GLIS3: variants seen among roughly 807,000 people sequenced by gnomAD.
The protein encoded by GLIS3 is GLIS family zinc finger 3, also known as zinc finger protein GLIS3.
GLIS3 carries 53 observed loss-of-function variants against 78.6 expected under a neutral mutation model. The ratio of observed to expected loss-of-function variants is 0.67; its 90% confidence interval spans 0.54 to 0.85. The LOEUF is 0.85. Among genes scored for constraint, GLIS3 ranks in the 40% least tolerant of loss-of-function variants. The pLI, the probability that GLIS3 is intolerant of heterozygous loss-of-function variation, is 0.00. For missense variants in GLIS3, 1,703 were observed against 1,231.1 expected (o/e 1.38, Z -5.74); for synonymous variants, 684 against 509.9 (o/e 1.34, Z -4.60).
At chr9:4,269,368 A>G (rs1826300082) in intron 2 of GLIS3, among the ~76,000 whole-genome samples, 1 of 152,208 alleles carries the variant, frequency 6.6e-6, no homozygotes, top group Admixed American at 6.5e-5. Context: ...ACCTATGTCC[A>G]CTTTATTTCA....
intron 2 of GLIS3, among the ~76,000 whole-genome samples, chr9:4,276,546 G>GAGGAGGGGAC (rs1163493404): frequency 2.7e-5 from 2 of 72,994 alleles, no homozygotes; most frequent in Admixed American, 2.6e-4. Context: ...GGGGACGGAA[G>GAGGAGGGGAC]GGGAGGGGAG....
At chr9:3,914,921 C>T (rs560962578) in intron 6 of GLIS3, among the ~76,000 whole-genome samples, 1 of 152,294 alleles carries the variant, frequency 6.6e-6, no homozygotes, top group East Asian at 1.9e-4. Flanking sequence ...AAAGAGCTTG[C>T]CCGTGGTGTT....
At chr9:4,326,429 T>A (rs963889046) in intron 2 of GLIS3, among the ~76,000 whole-genome samples, 3 of 152,156 alleles carry the variant, frequency 2.0e-5, no homozygotes, top group African/African-American at 7.2e-5. Flanking sequence ...CTCGAAAACA[T>A]TATGCTAAGT....
At chr9:4,033,072 C>T (rs1157157343) in intron 4 of GLIS3, among the ~76,000 whole-genome samples, 2 of 152,194 alleles carry the variant, frequency 1.3e-5, no homozygotes, top group Middle Eastern at 3.4e-3. Context: ...CCAGGATGGT[C>T]TTGATCTCTT....
At chr9:4,479,939 G>C in the GLIS3 span, among the ~76,000 whole-genome samples, 6 of 116,398 alleles carry the variant, frequency 5.2e-5, no homozygotes, top group Admixed American at 4.3e-4. Flanking sequence ...ATTTTCAGTA[G>C]AGATGGGTTT....
chr9:4,442,858 G>T, the GLIS3 span, among the ~76,000 whole-genome samples: 17 of 151,706 alleles, frequency 1.1e-4, no homozygotes, highest in Middle Eastern at 3.4e-3. Context: ...TTTTGAAGTT[G>T]CCTCTGTGTA....
chr9:3,971,724 A>G (rs1818396067), intron 4 of GLIS3, among the ~76,000 whole-genome samples: 1 of 152,190 alleles, frequency 6.6e-6, no homozygotes, highest in South Asian at 2.1e-4. Context: ...TAAGCCTCTA[A>G]TAATAGTTCT....
chr9:4,042,828 C>T (rs143578037), intron 4 of GLIS3, among the ~76,000 whole-genome samples: 1 of 151,904 alleles, frequency 6.6e-6, no homozygotes, highest in Admixed American at 6.6e-5. Context: ...TACTGTGTTT[C>T]TCAAAAACAT....
chr9:4,431,780 G>A, the GLIS3 span, among the ~76,000 whole-genome samples: 1 of 150,292 alleles, frequency 6.7e-6, no homozygotes, highest in Non-Finnish European at 1.5e-5. Flanking sequence ...GGAGGTGGAG[G>A]TTGTAGCGAG....
intron 2 of GLIS3, among the ~76,000 whole-genome samples, chr9:4,331,810 G>C (rs1257676592): frequency 6.6e-6 from 1 of 152,196 alleles, no homozygotes; most frequent in Non-Finnish European, 1.5e-5. Flanking sequence ...TGGGAAGAGA[G>C]ACATTGGGAG....
the GLIS3 span, among the ~76,000 whole-genome samples, chr9:4,356,726 A>G: frequency 1.3e-5 from 2 of 152,226 alleles, no homozygotes; most frequent in Non-Finnish European, 2.9e-5. Flanking sequence ...TTAGAGCAAC[A>G]AAGATCATCA....
rs35583742 is a variant in GLIS3 at position 4,321,421 on chromosome 9, C to CAAAAAAAA, written n.265-10901_265-10894dup. Among the ~76,000 whole-genome samples, 146 of 16,294 alleles carry CAAAAAAAA rather than the reference C, an allele frequency of 9.0e-3. 50 individuals are homozygous for CAAAAAAAA. The highest frequency in any genetic ancestry group is 0.013 in the Non-Finnish European group (118 of 9,154). 10.7% of individuals were successfully genotyped at this position (16,294 alleles called of 152,430 possible). A position where few individuals can be genotyped will look rare whatever the true frequency, so the allele number is the denominator to read the frequency against. On this transcript the variant is annotated intron_variant and non_coding_transcript_variant, in intron 2 of 4. Coordinates refer to the GLIS3 transcript ENST00000471664. The stretch of plus-strand genomic sequence containing the variant: ...TGGGCCACAGAGCTAGACTCCGTCT[C>CAAAAAAAA]AAAAAAAAAAAAAAAAAAAAAAAAA...
the GLIS3 span, among the ~76,000 whole-genome samples, chr9:4,381,068 G>C: frequency 7.9e-5 from 12 of 152,164 alleles, no homozygotes; most frequent in Non-Finnish European, 8.8e-5. Context: ...AAATTCAGTA[G>C]TCACTGGTCA....
chr9:4,107,789 G>C (rs950150844), intron 4 of GLIS3, among the ~76,000 whole-genome samples: 1 of 150,272 alleles, frequency 6.7e-6, no homozygotes, highest in Non-Finnish European at 1.5e-5. Flanking sequence ...ATTTTCTGAG[G>C]AGCCAGAGAC....
chr9:4,332,244 T>G (rs1434512027), intron 2 of GLIS3, among the ~76,000 whole-genome samples: 1 of 152,206 alleles, frequency 6.6e-6, no homozygotes. Flanking sequence ...ATAGTCAACA[T>G]TCACTGATAG....
chr9:4,269,826 G>C (rs998454141), intron 2 of GLIS3, among the ~76,000 whole-genome samples: 1 of 152,184 alleles, frequency 6.6e-6, no homozygotes, highest in Non-Finnish European at 1.5e-5. Context: ...ACGGAGGGCA[G>C]GACGGGAGAA....
chr9:4,425,249 T>C, the GLIS3 span, among the ~76,000 whole-genome samples: 2 of 152,222 alleles, frequency 1.3e-5, no homozygotes, highest in African/African-American at 4.8e-5. Flanking sequence ...TCCTGAGTTT[T>C]CTGTCACATG....
At chr9:4,191,797 C>T (rs1818356342) in intron 2 of GLIS3, among the ~76,000 whole-genome samples, 1 of 151,666 alleles carries the variant, frequency 6.6e-6, no homozygotes, top group Non-Finnish European at 1.5e-5. Context: ...TGTTCCTGTA[C>T]CAAGGTCCAA....
intron 4 of GLIS3, among the ~76,000 whole-genome samples, chr9:3,945,389 C>A (rs750330472): frequency 6.6e-6 from 1 of 152,116 alleles, no homozygotes; most frequent in Non-Finnish European, 1.5e-5. Flanking sequence ...GTATACCAAG[C>A]GACCAATTCC....
Sources: gnomAD v4.1 joint callset for allele counts (sites outside exome capture counted in the v4.1 genomes callset) on GRCh38, gnomAD v4.1.1 for gene constraint, MANE v1.5 for transcripts, NCBI Gene and HGNC (gene_info 2026-07-23, HGNC 2026-07-21) for gene names.